The following RUNX2 variants were observed in gnomAD, a reference collection of about 807,000 sequenced individuals.
RUNX2 encodes the protein RUNX family transcription factor 2.
A neutral mutation model predicts 51.7 loss-of-function variants in RUNX2; 10 were observed. The observed-to-expected ratio is 0.19, with a 90% CI of 0.12 to 0.33. RUNX2 has a LOEUF of 0.33. Among genes scored for constraint, RUNX2 ranks in the 10% least tolerant of loss-of-function variants. RUNX2 has a pLI of 1.00. For synonymous variants in RUNX2, 276 were observed against 273.6 expected (o/e 1.01, Z -0.09); for missense variants, 562 against 691.3 (o/e 0.81, Z 2.10).
chr6:45,419,358 C>CA (rs956896300), intron 2 of RUNX2, among the ~76,000 whole-genome samples: 2 of 149,246 alleles, frequency 1.3e-5, no homozygotes, highest in Non-Finnish European at 3.0e-5. Flanking sequence ...GATTTAAAAA[C>CA]AAAAAACGAG....
At chr6:45,411,300 C>T (rs532300335) in intron 2 of RUNX2, among the ~76,000 whole-genome samples, 3 of 152,080 alleles carry the variant, frequency 2.0e-5, no homozygotes, top group South Asian at 2.1e-4. Context: ...TGGACTTTAA[C>T]GTGTTTAGAT....
At chr6:45,369,601 T>C (rs1795706709) in intron 2 of RUNX2, among the ~76,000 whole-genome samples, 1 of 152,032 alleles carries the variant, frequency 6.6e-6, no homozygotes, top group Non-Finnish European at 1.5e-5. Context: ...CCTCCCTTAA[T>C]TCCCTCCTCT....
intron 2 of RUNX2, among the ~76,000 whole-genome samples, chr6:45,364,497 A>C (rs1205087257): frequency 6.6e-6 from 1 of 152,122 alleles, no homozygotes; most frequent in African/African-American, 2.4e-5. Context: ...CTTGCCCCCC[A>C]CCTTATACAG....
chr6:45,381,567 A>C (rs1797241757), intron 2 of RUNX2, among the ~76,000 whole-genome samples: 1 of 152,030 alleles, frequency 6.6e-6, no homozygotes, highest in South Asian at 2.1e-4. Flanking sequence ...AGCTGGGACT[A>C]CAGGCATGTG....
intron 2 of RUNX2, among the ~76,000 whole-genome samples, chr6:45,418,465 T>C (rs79608764): frequency 0.078 from 11,884 of 152,234 alleles, 604 homozygotes; most frequent in African/African-American, 0.15. Flanking sequence ...ACTGAAAAGA[T>C]GAATATTTCT....
chr6:45,435,596 G>A (rs1798661032), intron 4 of RUNX2, among the ~76,000 whole-genome samples: 1 of 152,154 alleles, frequency 6.6e-6, no homozygotes, highest in Admixed American at 6.5e-5. Flanking sequence ...GACCTCAGGC[G>A]ATCTGCCCTC....
At chr6:45,479,965 G>A (rs1406660997) in intron 5 of RUNX2, among the ~76,000 whole-genome samples, 1 of 152,204 alleles carries the variant, frequency 6.6e-6, no homozygotes, top group Non-Finnish European at 1.5e-5. Context: ...TAGTGACAGA[G>A]TGGCATGTAA....
chr6:45,547,496 G>A lies in RUNX2; in HGVS notation c.*191G>A. 1 of 610,932 alleles carries A rather than the reference G, an allele frequency of 1.6e-6. No homozygotes were observed. Among genetic ancestry groups the A allele is most frequent in the Non-Finnish European group, 2.9e-6 (1 of 343,880 alleles). The allele number at this position is 610,932 out of a possible 1,614,324, so 37.8% of individuals were successfully genotyped here. A position where few individuals can be genotyped will look rare whatever the true frequency, so the allele number is the denominator to read the frequency against. On this transcript the variant is annotated 3_prime_UTR_variant, in exon 9 of 9. Coordinates refer to ENST00000647337, the MANE Select transcript of RUNX2 (RefSeq NM_001024630.4). Reference sequence around the variant, plus strand: ...ATAAGAGGGTAGATATTGAGAAGCAGAAGGCTCAAGAGAGACAATTGCAAT... The same window carrying A: ...ATAAGAGGGTAGATATTGAGAAGCAAAAGGCTCAAGAGAGACAATTGCAAT...
At chr6:45,423,849 G>A (rs538124331) in intron 3 of RUNX2, among the ~76,000 whole-genome samples, 1 of 152,200 alleles carries the variant, frequency 6.6e-6, no homozygotes, top group South Asian at 2.1e-4. Context: ...GCGGGCCAGG[G>A]GACGGGGCGG....
chr6:45,425,156 T>C (rs1798350282), intron 3 of RUNX2, among the ~76,000 whole-genome samples: 1 of 152,108 alleles, frequency 6.6e-6, no homozygotes, highest in Admixed American at 6.5e-5. Context: ...TGTGAAAATA[T>C]AAGAACAGAT....
intron 2 of RUNX2, among the ~76,000 whole-genome samples, chr6:45,411,387 A>G (rs1797947358): frequency 6.6e-6 from 1 of 152,176 alleles, no homozygotes; most frequent in African/African-American, 2.4e-5. Context: ...TTGTAATTTT[A>G]ACACTGACAA....
At chr6:45,444,052 T>C (rs1798919132) in intron 5 of RUNX2, among the ~76,000 whole-genome samples, 1 of 152,162 alleles carries the variant, frequency 6.6e-6, no homozygotes, top group African/African-American at 2.4e-5. Context: ...GATTTTGCCA[T>C]GTTGGCCGAC....
At chr6:45,541,746 G>A (rs1229394301) in intron 7 of RUNX2, among the ~76,000 whole-genome samples, 1 of 152,176 alleles carries the variant, frequency 6.6e-6, no homozygotes, top group East Asian at 1.9e-4. Context: ...CTGCTCTGCT[G>A]GGATGTGTGA....
intron 2 of RUNX2, chr6:45,421,125 G>C (rs1483853392): frequency 6.6e-6 from 1 of 152,102 alleles, no homozygotes; most frequent in Non-Finnish European, 1.5e-5. Flanking sequence ...CGTGAGCGCT[G>C]GGGAAGACAG....
intron 6 of RUNX2, among the ~76,000 whole-genome samples, chr6:45,505,897 T>C (rs1800952940): frequency 6.6e-6 from 1 of 152,232 alleles, no homozygotes; most frequent in South Asian, 2.1e-4. Context: ...CACAATTCCA[T>C]GCTTGTGACA....
intron 2 of RUNX2, among the ~76,000 whole-genome samples, chr6:45,393,664 G>A (rs1356835364): frequency 6.6e-6 from 1 of 151,986 alleles, no homozygotes; most frequent in Non-Finnish European, 1.5e-5. Flanking sequence ...TCCTGACCTC[G>A]TGATCTACCC....
intron 2 of RUNX2, among the ~76,000 whole-genome samples, chr6:45,379,254 T>C (rs1353872497): frequency 6.6e-6 from 1 of 152,198 alleles, no homozygotes; most frequent in Non-Finnish European, 1.5e-5. Context: ...ATCAATTCAT[T>C]GCTGAGCAAA....
At chr6:45,466,045 G>A (rs1255082623) in intron 5 of RUNX2, among the ~76,000 whole-genome samples, 3 of 152,154 alleles carry the variant, frequency 2.0e-5, no homozygotes, top group Non-Finnish European at 4.4e-5. Flanking sequence ...CGAGTGCAGT[G>A]GCTCATGCCT....
At chr6:45,355,626 T>C (rs886849935) in intron 2 of RUNX2, among the ~76,000 whole-genome samples, 5 of 152,158 alleles carry the variant, frequency 3.3e-5, no homozygotes, top group Non-Finnish European at 7.4e-5. Context: ...GAAATATTTA[T>C]ATTTAATTAC....
Sources: allele counts gnomAD v4.1 joint callset (sites outside exome capture counted in the v4.1 genomes callset), GRCh38; gene constraint gnomAD v4.1.1; transcripts MANE v1.5; gene names NCBI Gene and HGNC (gene_info 2026-07-23, HGNC 2026-07-21).